The following LAMA1 variants were observed in gnomAD, a reference collection of about 807,000 sequenced individuals.
LAMA1 encodes laminin subunit alpha 1.
LAMA1 carries 219 observed loss-of-function variants against 348.7 expected under a neutral mutation model. That is an observed-to-expected ratio of 0.63 (90% CI 0.56 to 0.70). The LOEUF is 0.70. LAMA1 is among the 30% of genes least tolerant of loss of function. The pLI is 0.00. For missense variants in LAMA1, 3,744 were observed against 3,888.0 expected, an observed-to-expected ratio of 0.96 and a Z score of 0.99; for synonymous variants, 1,487 against 1,491.0, an observed-to-expected ratio of 1.00 and a Z score of 0.06.
intron 49 of LAMA1, chr18:6,965,666 G>C: frequency 1.8e-6 from 1 of 549,042 alleles, no homozygotes; most frequent in African/African-American, 1.9e-5. Context: ...AATTCAGTAA[G>C]AGAAGTGGAA....
chr18:7,039,994 G>T, intron 10 of LAMA1, 82 bp downstream of exon 10: 2 of 1,511,594 alleles, frequency 1.3e-6, no homozygotes, highest in Non-Finnish European at 1.8e-6. Flanking sequence ...CTCAAGAACT[G>T]ATCATTGGAG....
chr18:6,952,972 T>A (rs1321353501), intron 57 of LAMA1, among the ~76,000 whole-genome samples: 1 of 145,794 alleles, frequency 6.9e-6, no homozygotes, highest in Non-Finnish European at 1.5e-5. Context: ...TGTCTGCCTG[T>A]GTCCGGCGGA....
At chr18:7,078,225 G>A (rs1478006247) in intron 3 of LAMA1, among the ~76,000 whole-genome samples, 1 of 150,084 alleles carries the variant, frequency 6.7e-6, no homozygotes, top group Non-Finnish European at 1.5e-5. Context: ...GGAGTGCAGT[G>A]GTGTGATCTC....
intron 16 of LAMA1, among the ~76,000 whole-genome samples, chr18:7,027,353 T>C (rs2057948549): frequency 6.6e-6 from 1 of 152,144 alleles, no homozygotes; most frequent in Admixed American, 6.6e-5. Flanking sequence ...ATTAGATAGG[T>C]AGACAGATAA....
intron 1 of LAMA1, among the ~76,000 whole-genome samples, chr18:7,098,408 A>C (rs1300862719): frequency 1.3e-4 from 18 of 141,654 alleles, no homozygotes; most frequent in African/African-American, 4.3e-4. Context: ...AGTGAGGAGC[A>C]CCTCTTCCCG....
At chr18:7,056,838 A>G (rs1003227413) in intron 3 of LAMA1, among the ~76,000 whole-genome samples, 5 of 152,010 alleles carry the variant, frequency 3.3e-5, no homozygotes, top group African/African-American at 1.2e-4. Context: ...GCCAGTACCA[A>G]TACCACGTGC....
chr18:7,097,913 G>A (rs974923790), intron 1 of LAMA1, among the ~76,000 whole-genome samples: 5 of 150,396 alleles, frequency 3.3e-5, no homozygotes, highest in South Asian at 2.1e-4. Flanking sequence ...ATGCTGAGCC[G>A]AAGCTGGACT....
intron 6 of LAMA1, 55 bp from the exon 7 acceptor site, chr18:7,044,894 T>C (rs888544476): frequency 8.0e-5 from 104 of 1,293,260 alleles, no homozygotes; most frequent in Middle Eastern, 1.9e-4. Flanking sequence ...TTATGTTTCT[T>C]AATTTCATGG....
In LAMA1 at chr18:6,978,232, C is replaced by G. The variant is rs1464824881; in HGVS notation, c.6154G>C (p.Glu2052Gln). 1 of 1,614,216 alleles carries G rather than the reference C, an allele frequency of 6.2e-7. No individual in the cohort carries two copies. The highest frequency in any genetic ancestry group is 1.7e-5 in the Admixed American group (1 of 60,026). Residue 2052 changes from glutamate to glutamine, a missense_variant, in exon 43 of 63, where the codon GAG becomes CAG. Transcript: ENST00000389658. ...SLSRVNTTLR[E>Q]THQLLQDSTM... The stretch of plus-strand genomic sequence containing the variant: ...GAGTCCTGCAGAAGCTGGTGTGTCT[C>G]TCGTAATGTGGTGTTGACCCTGGAC...
At chr18:7,077,320 G>A (rs568120442) in intron 3 of LAMA1, among the ~76,000 whole-genome samples, 209 of 150,446 alleles carry the variant, frequency 1.4e-3, no homozygotes, top group Non-Finnish European at 2.5e-3. Context: ...TCCTGCCTCA[G>A]CCTCCCGAGT....
At chr18:6,992,467 A>T in intron 36 of LAMA1, 94 bp downstream of exon 36, 1 of 1,370,798 alleles carries the variant, frequency 7.3e-7, no homozygotes, top group Non-Finnish European at 1.0e-6. Flanking sequence ...TCCAGTGAGC[A>T]CTTTTCTTCC....
intron 33 of LAMA1, among the ~76,000 whole-genome samples, chr18:6,997,359 C>T (rs1453091860): frequency 1.3e-5 from 2 of 152,192 alleles, no homozygotes; most frequent in African/African-American, 4.8e-5. Context: ...TGTGAGCCAC[C>T]GTGCCTGGCC....
chr18:6,945,813 C>T (rs11659912), intron 61 of LAMA1, among the ~76,000 whole-genome samples: 8 of 151,720 alleles, frequency 5.3e-5, no homozygotes, highest in African/African-American at 1.7e-4. Context: ...ACACTGAGAC[C>T]CCAGACCACT....
intron 36 of LAMA1, among the ~76,000 whole-genome samples, chr18:6,990,641 T>G (rs2057754643): frequency 6.6e-6 from 1 of 152,288 alleles, no homozygotes; most frequent in East Asian, 1.9e-4. Context: ...CGATGCAAAC[T>G]TCAGCTGAGC....
chr18:6,966,360 AC>A, intron 48 of LAMA1, 63 bp from the exon 49 acceptor site: 2 of 1,419,692 alleles, frequency 1.4e-6, no homozygotes, highest in Non-Finnish European at 2.0e-6. Context: ...CCAAGAACAC[AC>A]TTACTGAGTT....
At chr18:7,074,588 G>C (rs1360171072) in intron 3 of LAMA1, among the ~76,000 whole-genome samples, 1 of 152,140 alleles carries the variant, frequency 6.6e-6, no homozygotes, top group Non-Finnish European at 1.5e-5. Context: ...AAACCACTTG[G>C]TGAGCAGCAT....
intron 18 of LAMA1, 64 bp downstream of exon 18, chr18:7,024,316 A>T (rs1178670976): frequency 7.6e-7 from 1 of 1,310,164 alleles, no homozygotes; most frequent in African/African-American, 1.5e-5. Context: ...ACGCATTTAA[A>T]AATAAACACA....
intron 1 of LAMA1, among the ~76,000 whole-genome samples, chr18:7,104,247 G>A (rs2058303001): frequency 1.3e-5 from 2 of 152,278 alleles, no homozygotes; most frequent in Admixed American, 1.3e-4. Context: ...AAAGCGCTGG[G>A]ATTACAGGCG....
chr18:7,046,016 G>A (rs1201111199), intron 6 of LAMA1, among the ~76,000 whole-genome samples: 1 of 150,136 alleles, frequency 6.7e-6, no homozygotes, highest in Non-Finnish European at 1.5e-5. Flanking sequence ...CCACTGAACT[G>A]TACACTTTCA....
Sources: gnomAD v4.1 joint callset for allele counts (sites outside exome capture counted in the v4.1 genomes callset) on GRCh38, gnomAD v4.1.1 for gene constraint, MANE v1.5 for transcripts, NCBI Gene and HGNC (gene_info 2026-07-23, HGNC 2026-07-21) for gene names.